Variants in CTNNA2 observed in about 807,000 individuals in gnomAD.
CTNNA2 encodes the protein catenin alpha 2.
A neutral mutation model predicts 101.0 loss-of-function variants in CTNNA2; 42 were observed. That is an observed-to-expected ratio of 0.42 (90% CI 0.32 to 0.54). The LOEUF is 0.54. CTNNA2 is among the 20% of genes least tolerant of loss of function. The pLI is 0.14. For synonymous variants in CTNNA2, 450 were observed against 456.4 expected, an observed-to-expected ratio of 0.99 and a Z score of 0.18; for missense variants, 871 against 1,223.1, an observed-to-expected ratio of 0.71 and a Z score of 4.29.
At chr2:79,328,824 C>T (rs72917286) in intron 3 of CTNNA2, among the ~76,000 whole-genome samples, 19,279 of 152,174 alleles carry the variant, frequency 0.13, 1,355 homozygotes, top group Non-Finnish European at 0.16. Flanking sequence ...GACTGGAAGT[C>T]GGAAATCAAC....
Position 80,303,630 on chromosome 2 carries a change from G to C in CTNNA2, c.1057-89581G>C, listed in dbSNP as rs201216009. On this transcript the variant is annotated intron_variant, in intron 7 of 18. Coordinates refer to ENST00000402739, the MANE Select transcript of CTNNA2 (RefSeq NM_001282597.3). The surrounding 1 kb of genome is among the most constrained non-coding windows in gnomAD (Gnocchi z 7.7). ...AGGGACAAGCCCAGCAGGCCGGACA[G>C]GTTGTGGGGCGCCTCGGTGAGGTTG... is the stretch of plus-strand genomic sequence containing the variant. The C allele has an allele frequency of 3.1e-6, 5 of 1,613,820 alleles. No individual in the cohort carries two copies. The highest frequency in any genetic ancestry group is 4.2e-6 in the Non-Finnish European group (5 of 1,179,796).
chr2:80,462,627 C>CTTTTTTTTTTTTTTTTTTTT (rs1161384853), intron 9 of CTNNA2, among the ~76,000 whole-genome samples: 6 of 114,374 alleles, frequency 5.2e-5, no homozygotes, highest in African/African-American at 2.2e-4. Flanking sequence ...TTCTTTCTTT[C>CTTTTTTTTTTTTTTTTTTTT]TTTCTTTTTT....
chr2:80,587,813 G>A (rs546453576), intron 14 of CTNNA2, among the ~76,000 whole-genome samples: 1 of 152,300 alleles, frequency 6.6e-6, no homozygotes, highest in Admixed American at 6.5e-5. Context: ...CAGGGGAATT[G>A]GAAGTACCTA....
chr2:79,822,675 G>A (rs1443038813), intron 3 of CTNNA2, among the ~76,000 whole-genome samples: 1 of 152,078 alleles, frequency 6.6e-6, no homozygotes, highest in Non-Finnish European at 1.5e-5. Flanking sequence ...GACCATTACA[G>A]TGGTCTCTTC....
chr2:79,874,097 C>A lies in CTNNA2; in HGVS notation c.607C>A (p.Arg203=). Reference sequence around the variant, plus strand: ...ACAGGAGCTGAAGGATCCTCACTGTCGGGATGAGATGGCAGCCGCCCGAGG... The same window carrying A: ...ACAGGAGCTGAAGGATCCTCACTGTAGGGATGAGATGGCAGCCGCCCGAGG... ...RQQELKDPHC[R]DEMAAARGAL... The change falls in exon 6 of 19, where the codon CGG becomes AGG. Residue 203 remains arginine, a synonymous_variant. Transcript: ENST00000402739. 1 of 1,614,152 alleles carries A rather than the reference C, an allele frequency of 6.2e-7. No homozygotes were observed. The highest frequency in any genetic ancestry group is 1.1e-5 in the South Asian group (1 of 91,078).
At chr2:79,366,256 A>G in intron 3 of CTNNA2, among the ~76,000 whole-genome samples, 1 of 152,220 alleles carries the variant, frequency 6.6e-6, no homozygotes, top group East Asian at 1.9e-4. Flanking sequence ...ATAAATAAAT[A>G]AAGGCAGATT....
At chr2:80,058,936 T>C (rs766814853) in intron 7 of CTNNA2, among the ~76,000 whole-genome samples, 2 of 152,216 alleles carry the variant, frequency 1.3e-5, no homozygotes, top group African/African-American at 2.4e-5. Context: ...ATTTACATGA[T>C]ATCTGCAAAG....
In CTNNA2 at chr2:79,202,566, A is replaced by G. The variant is rs188959137; in HGVS notation, c.-406+4490A>G. 2.7e-4 allele frequency among the ~76,000 whole-genome samples: 41 copies of G among 152,202 alleles called. 1 individual carries two copies. The highest frequency in any genetic ancestry group is 2.2e-3 in the Admixed American group (33 of 15,280). ...AGAAACCTAACTCCGTTTCCCCTGT[A>G]ACCTAAATTTCAGCTCCCTTGGTAT... On this transcript the variant is annotated intron_variant, in intron 2 of 21. Transcript: ENST00000466387.
intron 4 of CTNNA2, among the ~76,000 whole-genome samples, chr2:79,868,259 C>CT (rs1209474117): frequency 1.3e-5 from 2 of 152,062 alleles, no homozygotes; most frequent in African/African-American, 4.8e-5. Context: ...AGAATGGAAA[C>CT]TTAAATTTCC....
chr2:80,497,385 G>A (rs1359427625), intron 9 of CTNNA2, among the ~76,000 whole-genome samples: 1 of 152,160 alleles, frequency 6.6e-6, no homozygotes, highest in Non-Finnish European at 1.5e-5. Flanking sequence ...TTCCTTCCTA[G>A]CTCCAGAATT....
chr2:79,767,045 C>A (rs142803300), intron 3 of CTNNA2, among the ~76,000 whole-genome samples: 1 of 151,934 alleles, frequency 6.6e-6, no homozygotes, highest in African/African-American at 2.4e-5. Flanking sequence ...TGAGCCACTG[C>A]GCCTGGCCCT....
chr2:79,552,871 G>A (rs1405132644), intron 1 of CTNNA2, among the ~76,000 whole-genome samples: 3 of 152,178 alleles, frequency 2.0e-5, no homozygotes, highest in South Asian at 4.1e-4. Context: ...TCCCTCCTAG[G>A]CCTCCAGGCC....
At chr2:79,684,626 C>A (rs1369254167) in intron 2 of CTNNA2, among the ~76,000 whole-genome samples, 1 of 152,118 alleles carries the variant, frequency 6.6e-6, no homozygotes, top group African/African-American at 2.4e-5. Context: ...GATTCCAATA[C>A]TTTACTGTGT....
At chr2:79,658,553 C>T (rs1436513933) in intron 2 of CTNNA2, among the ~76,000 whole-genome samples, 2 of 151,914 alleles carry the variant, frequency 1.3e-5, no homozygotes, top group African/African-American at 4.8e-5. Flanking sequence ...ATTGCATTAA[C>T]AAAAGATAAT....
chr2:79,984,791 C>A (rs1691646284), intron 7 of CTNNA2, among the ~76,000 whole-genome samples: 1 of 152,140 alleles, frequency 6.6e-6, no homozygotes, highest in African/African-American at 2.4e-5. Context: ...TCACTATATC[C>A]TCTGATCAGC....
chr2:79,529,592 C>A (rs889015901), intron 1 of CTNNA2, among the ~76,000 whole-genome samples: 4 of 151,740 alleles, frequency 2.6e-5, no homozygotes, highest in African/African-American at 4.8e-5. Flanking sequence ...AATACCACTG[C>A]TTAAGTGACA....
chr2:80,056,013 T>A (rs1198424688), intron 7 of CTNNA2, among the ~76,000 whole-genome samples: 2 of 152,110 alleles, frequency 1.3e-5, no homozygotes, highest in Non-Finnish European at 2.9e-5. Flanking sequence ...AAAATAATAG[T>A]CATTTAAACA....
chr2:79,318,951 C>T (rs985783518), intron 3 of CTNNA2, among the ~76,000 whole-genome samples: 1 of 152,204 alleles, frequency 6.6e-6, no homozygotes, highest in Non-Finnish European at 1.5e-5. Flanking sequence ...CAACTGACTA[C>T]TACTGAAATA....
At chr2:79,956,744 T>A (rs1689247155) in intron 7 of CTNNA2, among the ~76,000 whole-genome samples, 1 of 151,110 alleles carries the variant, frequency 6.6e-6, no homozygotes, top group Non-Finnish European at 1.5e-5. Flanking sequence ...GGCAGGCAAA[T>A]AAAGATAGCT....
Sources: gnomAD v4.1 joint callset for allele counts (sites outside exome capture counted in the v4.1 genomes callset) on GRCh38, gnomAD v4.1.1 for gene constraint, Gnocchi (gnomAD v3.1) non-coding constraint, MANE v1.5 for transcripts, NCBI Gene and HGNC (gene_info 2026-07-23, HGNC 2026-07-21) for gene names.